The following AUTS2 variants were observed in gnomAD, a reference collection of about 807,000 sequenced individuals.
The protein encoded by AUTS2 is activator of transcription and developmental regulator AUTS2, also known as autism susceptibility gene 2 protein.
Under a neutral mutation model 112.4 loss-of-function variants are expected in AUTS2, and 17 were observed. The observed-to-expected ratio is 0.15, with a 90% CI of 0.10 to 0.23. AUTS2 has a LOEUF of 0.23. Among genes scored for constraint, AUTS2 ranks in the 10% least tolerant of loss-of-function variants. The pLI is 1.00. For missense variants in AUTS2, 1,510 were observed against 1,701.6 expected (o/e 0.89, Z 1.98); for synonymous variants, 751 against 702.7 (o/e 1.07, Z -1.09).
chr7:70,301,006 G>T (rs977622913), intron 4 of AUTS2, among the ~76,000 whole-genome samples: 2 of 152,072 alleles, frequency 1.3e-5, no homozygotes, highest in African/African-American at 4.8e-5. Context: ...CATTAAACTT[G>T]CCCTCTAAGA....
chr7:70,788,024 G>GTC (rs1791627392), intron 18 of AUTS2, among the ~76,000 whole-genome samples: 1 of 151,958 alleles, frequency 6.6e-6, no homozygotes, highest in Non-Finnish European at 1.5e-5. Context: ...GTTAACCGTT[G>GTC]TCTCTGCACT....
rs533020895 is a variant in AUTS2 at position 70,790,234 on chromosome 7, G to A, written c.3018G>A (p.Pro1006=). 20 of 1,612,704 alleles carry A rather than the reference G, an allele frequency of 1.2e-5. No individual in the cohort carries two copies. The highest frequency in any genetic ancestry group is 1.7e-4 in the Middle Eastern group (1 of 6,060). ...APQTHRASEP[P]PPNSSSSVHP... is the part of the protein sequence containing the mutation. ...AGACCCACCGGGCCTCGGAGCCGCC[G>A]CCTCCCAACTCCTCGTCCAGCGTGC... is the stretch of plus-strand genomic sequence containing the variant. Residue 1006 remains proline (P), a synonymous_variant, in exon 19 of 19, where the codon CCG becomes CCA. Transcript: ENST00000342771. This position sits in a 1 kb window ranked among gnomAD's most constrained non-coding sequence, Gnocchi z 7.6.
At chr7:70,369,309 C>G (rs1792731167) in intron 4 of AUTS2, among the ~76,000 whole-genome samples, 1 of 152,176 alleles carries the variant, frequency 6.6e-6, no homozygotes, top group Non-Finnish European at 1.5e-5. Flanking sequence ...AAGTTTAGGA[C>G]TTTATTCATG....
rs138317333 is a variant in AUTS2, at chr7:70,557,117, G to A, written c.690+121336G>A. Among the ~76,000 whole-genome samples the A allele has an allele frequency of 1.4e-4, 22 of 152,240 alleles. No homozygotes were observed. The East Asian group carries it at 2.9e-3, about 20-fold the overall frequency. ...CTCATCCTTGAGCAGAGTGCAGGGC[G>A]GGCAGTAAGTCTAATTGGATGCATA... is the stretch of plus-strand genomic sequence containing the variant. On this transcript the variant is annotated intron_variant, in intron 5 of 18. Coordinates refer to ENST00000342771, the MANE Select transcript of AUTS2 (RefSeq NM_015570.4).
At chr7:70,022,181 C>T (rs1487690233) in intron 2 of AUTS2, among the ~76,000 whole-genome samples, 1 of 150,990 alleles carries the variant, frequency 6.6e-6, no homozygotes, top group Non-Finnish European at 1.5e-5. Flanking sequence ...TTGTTAGTAA[C>T]TAAAACTGAA....
chr7:69,723,294 T>C (rs1799063235), intron 1 of AUTS2, among the ~76,000 whole-genome samples: 1 of 152,154 alleles, frequency 6.6e-6, no homozygotes, highest in African/African-American at 2.4e-5. Flanking sequence ...CAACCTTACA[T>C]ATTGGAATTC....
Position 70,766,293 on chromosome 7 carries a change from A to G in AUTS2, c.1648A>G (p.Ile550Val). The change falls in exon 9 of 19, where the codon ATC (isoleucine) becomes GTC (valine). Residue 550 changes from isoleucine (I) to valine (V), a missense_variant. This residue lies in a region of AUTS2 where 187 missense variants were observed against 309.7 expected (regional missense o/e 0.60). Transcript: ENST00000342771. The surrounding 1 kb of genome is among the most constrained non-coding windows in gnomAD (Gnocchi z 4.8). ...CACCTTCACGCCGTTCCCCCACGCC[A>G]TCCCACCCACCGCCATCATGCCGAC... ...QHTFTPFPHA[I>V]PPTAIMPTPA... 1 of 1,613,992 alleles carries G rather than the reference A, an allele frequency of 6.2e-7. No homozygotes were observed. Among genetic ancestry groups the G allele is most frequent in the Non-Finnish European group, 8.5e-7 (1 of 1,179,964 alleles).
intron 1 of AUTS2, among the ~76,000 whole-genome samples, chr7:69,717,268 C>T (rs1798662793): frequency 6.6e-6 from 1 of 152,124 alleles, no homozygotes; most frequent in Non-Finnish European, 1.5e-5. Context: ...TATATGGGGT[C>T]AGGTAAAAGC....
At chr7:69,946,454 C>T (rs1796813045) in intron 2 of AUTS2, among the ~76,000 whole-genome samples, 3 of 152,046 alleles carry the variant, frequency 2.0e-5, no homozygotes, top group African/African-American at 7.2e-5. Context: ...AAATAGCTAT[C>T]TGCACTACCA....
At chr7:69,999,325 T>C (rs1799084276) in intron 2 of AUTS2, among the ~76,000 whole-genome samples, 1 of 152,174 alleles carries the variant, frequency 6.6e-6, no homozygotes, top group Non-Finnish European at 1.5e-5. Flanking sequence ...CCACAGTTAC[T>C]TGTGGGACTT....
intron 4 of AUTS2, among the ~76,000 whole-genome samples, chr7:70,412,565 C>T (rs899227196): frequency 1.3e-5 from 2 of 152,220 alleles, no homozygotes; most frequent in Non-Finnish European, 2.9e-5. Flanking sequence ...AAGTGAGAGC[C>T]TCTGACAGCT....
intron 6 of AUTS2, among the ~76,000 whole-genome samples, chr7:70,717,157 G>A (rs60578070): frequency 0.15 from 22,885 of 151,686 alleles, 1,819 homozygotes; most frequent in East Asian, 0.2. Context: ...CCAGCCTTGC[G>A]AGTAGCTAAG....
intron 4 of AUTS2, among the ~76,000 whole-genome samples, chr7:70,385,652 C>T (rs576004144): frequency 3.3e-5 from 5 of 152,196 alleles, no homozygotes; most frequent in Non-Finnish European, 7.3e-5. Flanking sequence ...GGGAAGATCG[C>T]TTGAGCCCAG....
chr7:70,600,098 C>T (rs1238080262), intron 5 of AUTS2, among the ~76,000 whole-genome samples: 1 of 152,218 alleles, frequency 6.6e-6, no homozygotes, highest in Non-Finnish European at 1.5e-5. Context: ...ACACGTTCTC[C>T]AAGTGAGTGC....
chr7:70,244,226 T>C (rs995457567), intron 4 of AUTS2, among the ~76,000 whole-genome samples: 1 of 152,188 alleles, frequency 6.6e-6, no homozygotes, highest in Non-Finnish European at 1.5e-5. Flanking sequence ...GATCATACTT[T>C]CAACAGATCA....
chr7:70,722,088 T>C (rs1390958482), intron 6 of AUTS2, among the ~76,000 whole-genome samples: 1 of 152,090 alleles, frequency 6.6e-6, no homozygotes, highest in Non-Finnish European at 1.5e-5. Flanking sequence ...CCACACCTTT[T>C]TGGTTGATAC....
At chr7:70,017,015 A>C (rs1032423969) in intron 2 of AUTS2, among the ~76,000 whole-genome samples, 1 of 152,200 alleles carries the variant, frequency 6.6e-6, no homozygotes, top group Non-Finnish European at 1.5e-5. Flanking sequence ...ATGGTATACA[A>C]GTAAATATAC....
intron 5 of AUTS2, among the ~76,000 whole-genome samples, chr7:70,675,103 C>A (rs558766923): frequency 1.3e-5 from 2 of 152,154 alleles, no homozygotes; most frequent in Non-Finnish European, 2.9e-5. Context: ...TCCTCCCCCC[C>A]CTCAACTCCC....
intron 2 of AUTS2, among the ~76,000 whole-genome samples, chr7:69,937,387 A>G (rs924530103): frequency 1.3e-5 from 2 of 152,186 alleles, no homozygotes; most frequent in African/African-American, 4.8e-5. Context: ...GATCCATGGA[A>G]TGGTGTGGCT....
Sources: gnomAD v4.1 joint callset for allele counts (sites outside exome capture counted in the v4.1 genomes callset) on GRCh38, gnomAD v4.1.1 for gene constraint, gnomAD v4.1.1 regional missense constraint, Gnocchi (gnomAD v3.1) non-coding constraint, MANE v1.5 for transcripts, NCBI Gene and HGNC (gene_info 2026-07-23, HGNC 2026-07-21) for gene names.